Variants in GOLGA2 observed in about 807,000 individuals in gnomAD.
The protein encoded by GOLGA2 is golgin A2.
GOLGA2 carries 49 observed loss-of-function variants against 148.8 expected under a neutral mutation model. That is an observed-to-expected ratio of 0.33 (90% CI 0.26 to 0.42). The LOEUF is 0.42. Among genes scored for constraint, GOLGA2 ranks in the 10% least tolerant of loss-of-function variants. The pLI, the probability that GOLGA2 is intolerant of heterozygous loss-of-function variation, is 1.00. For synonymous variants in GOLGA2, 501 were observed against 511.8 expected (o/e 0.98, Z 0.28); for missense variants, 1,178 against 1,304.6 (o/e 0.90, Z 1.49).
Position 128,260,339 on chromosome 9 carries a change from C to G in GOLGA2, c.1758+126G>C. 9.2e-7 allele frequency: 1 copy of G among 1,082,286 alleles called. No individual in the cohort carries two copies. The highest frequency in any genetic ancestry group is 1.5e-5 in the African/African-American group (1 of 65,032). 67.0% of individuals were successfully genotyped at this position (1,082,286 alleles called of 1,614,324 possible). A position where few individuals can be genotyped will look rare whatever the true frequency, so the allele number is the denominator to read the frequency against. On this transcript the variant is annotated intron_variant, in intron 18 of 26. Transcript: ENST00000611957. The surrounding 1 kb of genome is among the most constrained non-coding windows in gnomAD (Gnocchi z 4.8). ...CCCCCACAGCCATCGGAGCAGGGCT[C>G]TGGCTCACAGATGCCTCCAGAAGTA...
At chr9:128,270,266 G>A (rs1471892653) in intron 3 of GOLGA2, among the ~76,000 whole-genome samples, 2 of 151,496 alleles carry the variant, frequency 1.3e-5, no homozygotes, top group Non-Finnish European at 2.9e-5. Flanking sequence ...CAAGCAGCTG[G>A]GATTATAGGT....
intron 1 of GOLGA2, chr9:128,275,517 G>A: frequency 7.7e-7 from 1 of 1,302,304 alleles, no homozygotes; most frequent in Non-Finnish European, 9.8e-7. Context: ...AGTCTGGAGC[G>A]GGGGGCCCCG....
chr9:128,262,427 G>A (rs1365064057), intron 14 of GOLGA2, 136 bp downstream of exon 14: 1 of 690,354 alleles, frequency 1.4e-6, no homozygotes, highest in African/African-American at 1.8e-5. Context: ...CTCTCTAGAG[G>A]ATTTTATGCC....
Position 128,258,533 on chromosome 9 carries a change from C to CTCA in GOLGA2, c.2210_2211insTGA (p.Glu736_Glu737insAsp). 1 of 1,575,702 alleles carries CTCA rather than the reference C, an allele frequency of 6.3e-7. No homozygotes were observed. Among genetic ancestry groups the CTCA allele is most frequent in the East Asian group, 2.3e-5 (1 of 43,606 alleles). On this transcript the variant is annotated inframe_insertion, in exon 22 of 27. Transcript: ENST00000611957. This position sits in a 1 kb window ranked among gnomAD's most constrained non-coding sequence, Gnocchi z 6.6. ...CTGCCACCGCCTCCTCCTCCTCCTC[C>CTCA]TCCTCATCCTCCTCCTCCTCCCGGT...
intron 6 of GOLGA2, 31 bp downstream of exon 6, chr9:128,267,900 CCCA>C (rs753862091): frequency 3.9e-6 from 6 of 1,530,434 alleles, no homozygotes; most frequent in Non-Finnish European, 5.4e-6. Flanking sequence ...TTCCCTTCCC[CCCA>C]CCCCGCTCTC....
chr9:128,259,985 G>A, intron 19 of GOLGA2, 91 bp downstream of exon 19: 1 of 871,856 alleles, frequency 1.1e-6, no homozygotes, highest in South Asian at 1.3e-5. Context: ...GGTCACCTGT[G>A]CCCCAGGCTG....
chr9:128,267,407 G>T (rs1339345198), intron 7 of GOLGA2, 51 bp downstream of exon 7: 7 of 1,530,556 alleles, frequency 4.6e-6, no homozygotes, highest in Non-Finnish European at 6.3e-6. Flanking sequence ...GTGGGAGGAG[G>T]TTGGAGGGCT....
chr9:128,275,872 C>A, intron 1 of GOLGA2, 21 bp downstream of exon 1: 1 of 1,407,226 alleles, frequency 7.1e-7, no homozygotes, highest in Non-Finnish European at 9.8e-7. Flanking sequence ...GGTCGGGGGG[C>A]CGCGACCCGG....
At chr9:128,268,375 A>G (rs1439286767) in intron 4 of GOLGA2, 45 bp downstream of exon 4, 8 of 1,130,772 alleles carry the variant, frequency 7.1e-6, no homozygotes, top group Non-Finnish European at 1.1e-5. Flanking sequence ...GATAATGCAT[A>G]ATAGGTACAG....
At position 128,258,357 on chromosome 9, in the gene GOLGA2, C is replaced by T. The variant is rs561924679; in HGVS notation, c.2289+98G>A. ...GGCTCCCAGGAAAGGGGTGAGGGTC[C>T]GAAGAAATCAGAAGGCCGGGAAACC... On this transcript the variant is annotated intron_variant, in intron 22 of 26. Transcript: ENST00000611957. The surrounding 1 kb of genome is among the most constrained non-coding windows in gnomAD (Gnocchi z 6.6). 1.0e-5 allele frequency: 13 copies of T among 1,265,550 alleles called. No individual in the cohort carries two copies. Among genetic ancestry groups the T allele is most frequent in the South Asian group, 3.8e-5 (3 of 78,776 alleles). The allele number at this position is 1,265,550 out of a possible 1,614,324, so 78.4% of individuals were successfully genotyped here.
At position 128,260,950 on chromosome 9, in the gene GOLGA2, C is replaced by G; in HGVS notation, c.1421-148G>C. The G allele has an allele frequency of 1.5e-6, 1 of 684,318 alleles. No homozygotes were observed. Among genetic ancestry groups the G allele is most frequent in the Non-Finnish European group, 2.5e-6 (1 of 401,940 alleles). 42.4% of individuals were successfully genotyped at this position (684,318 alleles called of 1,614,324 possible). A position where few individuals can be genotyped will look rare whatever the true frequency, so the allele number is the denominator to read the frequency against. On this transcript the variant is annotated intron_variant, in intron 17 of 26. Coordinates refer to ENST00000611957, the MANE Select transcript of GOLGA2 (RefSeq NM_001366244.2). The surrounding 1 kb of genome is among the most constrained non-coding windows in gnomAD (Gnocchi z 4.8). ...TTAGCCAATCTTCCAAACCACTTTC[C>G]GATAGCGACAACTGTGGGTGGCTGA...
In GOLGA2 at chr9:128,259,244, C is replaced by T. The variant is rs760422757; in HGVS notation, c.2020G>A (p.Val674Met). ...HNQLLLQTQL[V>M]DQLQQQEAQG... ...GCTTCCTGCTGCTGCAGCTGGTCCA[C>T]GAGCTGGGTCTGCAGCAGTAGCTGA... Residue 674 changes from valine (V) to methionine (M), a missense_variant, in exon 20 of 27, where the codon GTG becomes ATG. Val to Met is a conservative substitution (Grantham distance 21, BLOSUM62 1). This residue lies in a region of GOLGA2 where 529 missense variants were observed against 521.8 expected (regional missense o/e 1.01). Transcript: ENST00000611957. 1.1e-5 allele frequency: 18 copies of T among 1,600,012 alleles called. No individual in the cohort carries two copies. The highest frequency in any genetic ancestry group is 1.7e-5 in the Admixed American group (1 of 58,464).
At position 128,261,157 on chromosome 9, in the gene GOLGA2, C is replaced by T; in HGVS notation, c.1420+15G>A. ...ACACCATTCCTGCTCCCAGGTCACC[C>T]CAGCCCCAGCTTACCCATCTGGTTC... On this transcript the variant is annotated intron_variant, in intron 17 of 26. Coordinates refer to ENST00000611957, the MANE Select transcript of GOLGA2 (RefSeq NM_001366244.2). The surrounding 1 kb of genome is among the most constrained non-coding windows in gnomAD (Gnocchi z 5.7). 1 of 1,584,762 alleles carries T rather than the reference C, an allele frequency of 6.3e-7. No individual in the cohort carries two copies. The highest frequency in any genetic ancestry group is 8.7e-7 in the Non-Finnish European group (1 of 1,153,348).
Position 128,268,136 on chromosome 9 carries a change from T to C in GOLGA2, c.418A>G (p.Asn140Asp), listed in dbSNP as rs774547831. ...ACTCACTTGGTTTCATCCATGAGAT[T>C]AGGGACATTGTCAGCATCATGATTC... ...SQNHDADNVPNLMDETKTFSS... is the reference protein window; with the variant it reads ...SQNHDADNVPDLMDETKTFSS... The change falls in exon 5 of 27, where the codon AAT (asparagine) becomes GAT (aspartate). Residue 140 changes from asparagine (N) to aspartate (D), a missense_variant. Asn to Asp is a conservative substitution (Grantham distance 23). Coordinates refer to ENST00000611957, the MANE Select transcript of GOLGA2 (RefSeq NM_001366244.2). The C allele has an allele frequency of 1.9e-6, 3 of 1,613,610 alleles. No individual in the cohort carries two copies. The highest frequency in any genetic ancestry group is 2.2e-5 in the South Asian group (2 of 91,066).
At chr9:128,262,533 C>G in intron 14 of GOLGA2, 30 bp downstream of exon 14, 1 of 1,606,258 alleles carries the variant, frequency 6.2e-7, no homozygotes, top group Non-Finnish European at 8.5e-7. Context: ...GGATGGCGCT[C>G]CCACCACCCA....
chr9:128,258,381 C>T lies in GOLGA2; in HGVS notation c.2289+74G>A. The stretch of plus-strand genomic sequence containing the variant: ...CCGAAGAAATCAGAAGGCCGGGAAA[C>T]CAAGAGCAGAAGGGGGTCTGGGAGG... On this transcript the variant is annotated intron_variant, in intron 22 of 26. Transcript: ENST00000611957. This position sits in a 1 kb window ranked among gnomAD's most constrained non-coding sequence, Gnocchi z 6.6. 1 of 1,390,766 alleles carries T rather than the reference C, an allele frequency of 7.2e-7. No individual in the cohort carries two copies. The highest frequency in any genetic ancestry group is 1.2e-5 in the South Asian group (1 of 84,652). The allele number at this position is 1,390,766 out of a possible 1,614,324, so 86.2% of individuals were successfully genotyped here.
chr9:128,257,428 T>C lies in GOLGA2; in HGVS notation c.2816A>G (p.Asp939Gly). ...GGCTGGGGCCCCTGAAGTGGGCTCA[T>C]CAGCAGGGTTCTGGGCAGCTGCCAG... ...RFLAAAQNPA[D>G]EPTSGAPAPQ... Residue 939 changes from aspartate (D) to glycine (G), a missense_variant, in exon 26 of 27, where the codon GAT (aspartate) becomes GGT (glycine). By Grantham distance (94) the Asp-to-Gly change is moderately conservative. Around this residue, in one of 5 missense-constraint regions of GOLGA2, gnomAD observed 149 missense variants for 154.9 expected, o/e 0.96. Coordinates refer to ENST00000611957, the MANE Select transcript of GOLGA2 (RefSeq NM_001366244.2). This position sits in a 1 kb window ranked among gnomAD's most constrained non-coding sequence, Gnocchi z 8.0. The C allele has an allele frequency of 6.2e-7, 1 of 1,612,998 alleles. No individual in the cohort carries two copies. Among genetic ancestry groups the C allele is most frequent in the South Asian group, 1.1e-5 (1 of 91,040 alleles).
Position 128,258,085 on chromosome 9 carries a change from C to A in GOLGA2, c.2403G>T (p.Ser801=). The change falls in exon 23 of 27, where the codon TCG becomes TCT. Residue 801 remains serine, a synonymous_variant. Transcript: ENST00000611957. This position sits in a 1 kb window ranked among gnomAD's most constrained non-coding sequence, Gnocchi z 6.6. ...RCRRLAHLLA[S]AQKEPEAAAP... ...CTGCTGCCTCAGGCTCCTTCTGGGC[C>A]GAGGCCAGCAGGTGAGCCAGGCGCC... 6 of 1,610,742 alleles carry A rather than the reference C, an allele frequency of 3.7e-6. No individual in the cohort carries two copies. The highest frequency in any genetic ancestry group is 5.1e-6 in the Non-Finnish European group (6 of 1,179,806).
rs1564366180 is a variant in GOLGA2 at position 128,265,648 on chromosome 9, C to T, written c.870G>A (p.Arg290=). 2 of 1,613,936 alleles carry T rather than the reference C, an allele frequency of 1.2e-6. No homozygotes were observed. The highest frequency in any genetic ancestry group is 1.6e-4 in the Middle Eastern group (1 of 6,062). Residue 290 remains arginine (R), a synonymous_variant, in exon 12 of 27, where the codon CGG becomes CGA. Transcript: ENST00000611957. ...DLASRLQYSR[R]RVGELERALS... ...GAGCCCGCTCCAACTCTCCCACACG[C>T]CGCCGGGAATACTGCAGGCGGCTGG...
Sources: allele counts gnomAD v4.1 joint callset (sites outside exome capture counted in the v4.1 genomes callset), GRCh38; gene constraint gnomAD v4.1.1; regional missense constraint gnomAD v4.1.1; non-coding constraint Gnocchi (gnomAD v3.1); transcripts MANE v1.5; gene names NCBI Gene and HGNC (gene_info 2026-07-23, HGNC 2026-07-21).